Variants in TMEM135 observed in about 807,000 individuals in gnomAD.
TMEM135 encodes transmembrane protein 135.
Under a neutral mutation model 60.3 loss-of-function variants are expected in TMEM135, and 30 were observed. That is an observed-to-expected ratio of 0.50 (90% CI 0.37 to 0.68). The LOEUF (loss-of-function observed/expected upper bound fraction) is 0.68, where lower values mean the gene tolerates loss of function less well. Among genes scored for constraint, TMEM135 ranks in the 30% least tolerant of loss-of-function variants. The pLI is 0.00. For missense variants in TMEM135, 468 were observed against 548.8 expected, an observed-to-expected ratio of 0.85 and a Z score of 1.47; for synonymous variants, 190 against 186.7, an observed-to-expected ratio of 1.02 and a Z score of -0.14.
intron 3 of TMEM135, among the ~76,000 whole-genome samples, chr11:87,079,777 G>A (rs1385599022): frequency 6.7e-6 from 1 of 148,432 alleles, no homozygotes; most frequent in African/African-American, 2.5e-5. Context: ...GTAATATTTT[G>A]TTATATGGCT....
At chr11:87,099,695 T>C (rs1857409827) in intron 4 of TMEM135, among the ~76,000 whole-genome samples, 1 of 149,654 alleles carries the variant, frequency 6.7e-6, no homozygotes, top group South Asian at 2.1e-4. Context: ...TTTTTTTTTT[T>C]TTTTTTTGAG....
chr11:87,117,721 A>T (rs547389273), intron 4 of TMEM135, among the ~76,000 whole-genome samples: 43 of 152,262 alleles, frequency 2.8e-4, no homozygotes, highest in African/African-American at 1.0e-3. Context: ...CCTCTACGTC[A>T]TCTATGAGGG....
At chr11:87,066,354 C>T (rs1856651071) in intron 1 of TMEM135, among the ~76,000 whole-genome samples, 1 of 152,120 alleles carries the variant, frequency 6.6e-6, no homozygotes, top group South Asian at 2.1e-4. Flanking sequence ...TTCCTGCCTT[C>T]CCCTGTATTA....
rs1169988243 is a variant in TMEM135, at chr11:87,326,354, C to T, written c.*5021C>T. On this transcript the variant is annotated 3_prime_UTR_variant, in exon 15 of 15. Coordinates refer to ENST00000305494, the MANE Select transcript of TMEM135 (RefSeq NM_022918.4). Reference sequence around the variant, plus strand: ...GTCACCCTGCATTACTACTTTCCTCCATCCCTGAACTAGGACCAGTTAATT... The same window carrying T: ...GTCACCCTGCATTACTACTTTCCTCTATCCCTGAACTAGGACCAGTTAATT... The T allele has an allele frequency of 2.2e-6, 1 of 453,966 alleles. No individual in the cohort carries two copies. The highest frequency in any genetic ancestry group is 4.4e-6 in the Non-Finnish European group (1 of 226,782). The allele number at this position is 453,966 out of a possible 1,614,324, so 28.1% of individuals were successfully genotyped here.
intron 5 of TMEM135, among the ~76,000 whole-genome samples, chr11:87,231,032 C>T (rs1041500032): frequency 6.6e-6 from 1 of 151,938 alleles, no homozygotes; most frequent in Non-Finnish European, 1.5e-5. Context: ...TATTGAAGGA[C>T]AGTGTTCCCT....
chr11:87,247,416 G>T (rs1042201460), intron 6 of TMEM135, among the ~76,000 whole-genome samples: 1 of 152,190 alleles, frequency 6.6e-6, no homozygotes, highest in East Asian at 1.9e-4. Context: ...GTCTGCACAG[G>T]TTACTGCTGT....
chr11:87,064,861 G>C (rs1856617533), intron 1 of TMEM135, among the ~76,000 whole-genome samples: 1 of 152,036 alleles, frequency 6.6e-6, no homozygotes, highest in Non-Finnish European at 1.5e-5. Context: ...CTCCAGCCTG[G>C]GCAACAGAGC....
intron 4 of TMEM135, among the ~76,000 whole-genome samples, chr11:87,125,005 T>A (rs1205249235): frequency 6.6e-6 from 1 of 152,198 alleles, no homozygotes; most frequent in African/African-American, 2.4e-5. Context: ...AATTGCTCTG[T>A]GTCTGGTATT....
At chr11:87,280,684 A>G (rs1335541279) in intron 6 of TMEM135, among the ~76,000 whole-genome samples, 1 of 152,146 alleles carries the variant, frequency 6.6e-6, no homozygotes, top group Non-Finnish European at 1.5e-5. Flanking sequence ...TCATTATTTG[A>G]TTGTACCTAT....
intron 5 of TMEM135, among the ~76,000 whole-genome samples, chr11:87,229,319 A>G (rs1313589231): frequency 6.6e-6 from 1 of 152,046 alleles, no homozygotes; most frequent in African/African-American, 2.4e-5. Context: ...TAACCAACCA[A>G]CCAGCCAACC....
chr11:87,323,657 G>C lies in TMEM135; in HGVS notation c.*2324G>C, dbSNP rs1343514950. The C allele has an allele frequency of 2.2e-6, 1 of 453,702 alleles. No individual in the cohort carries two copies. Among genetic ancestry groups the C allele is most frequent in the Non-Finnish European group, 4.4e-6 (1 of 226,686 alleles). The allele number at this position is 453,702 out of a possible 1,614,324, so 28.1% of individuals were successfully genotyped here. ...ATATAGATTGAGATTGAAAAACCGT[G>C]CATTTGGGGCAGTGGTATTATGGTC... On this transcript the variant is annotated 3_prime_UTR_variant, in exon 15 of 15. Transcript: ENST00000305494.
At chr11:87,162,959 C>A (rs1938928131) in intron 5 of TMEM135, among the ~76,000 whole-genome samples, 1 of 150,776 alleles carries the variant, frequency 6.6e-6, no homozygotes, top group South Asian at 2.1e-4. Flanking sequence ...ATTTGCATTT[C>A]TCTAATGACC....
chr11:87,221,896 C>T (rs1669694565), intron 5 of TMEM135, among the ~76,000 whole-genome samples: 1 of 151,984 alleles, frequency 6.6e-6, no homozygotes, highest in South Asian at 2.1e-4. Flanking sequence ...AAATTTCAGC[C>T]AATATTAAAA....
In TMEM135 at chr11:87,318,200, A is replaced by C; in HGVS notation, c.1141A>C (p.Ile381Leu). 6.2e-7 allele frequency: 1 copy of C among 1,612,706 alleles called. No individual in the cohort carries two copies. The highest frequency in any genetic ancestry group is 1.1e-5 in the South Asian group (1 of 91,078). ...VPYFPHADTIIYSISTAICFQ... is the reference protein window; with the variant it reads ...VPYFPHADTILYSISTAICFQ... ...CTATTTTCCTCATGCAGATACTATC[A>C]TCTATTCCATCTCTACAGCAATTTG... is the stretch of plus-strand genomic sequence containing the variant. The change falls in exon 13 of 15, where the codon ATC becomes CTC. Residue 381 changes from isoleucine to leucine, a missense_variant. Ile to Leu is a conservative substitution (Grantham distance 5). Transcript: ENST00000305494.
intron 6 of TMEM135, among the ~76,000 whole-genome samples, chr11:87,264,166 T>C (rs1429300962): frequency 6.6e-6 from 1 of 151,972 alleles, no homozygotes; most frequent in East Asian, 1.9e-4. Context: ...AATTCCTTTA[T>C]TGTGACTAGG....
intron 4 of TMEM135, among the ~76,000 whole-genome samples, chr11:87,135,286 A>G (rs950624171): frequency 6.6e-6 from 1 of 151,942 alleles, no homozygotes; most frequent in African/African-American, 2.4e-5. Flanking sequence ...CTTGATGTGT[A>G]TCTAAGAAAA....
intron 4 of TMEM135, among the ~76,000 whole-genome samples, chr11:87,147,247 T>C (rs1373707444): frequency 6.6e-6 from 1 of 152,096 alleles, no homozygotes; most frequent in Non-Finnish European, 1.5e-5. Context: ...CGCTTGAACC[T>C]GGCAGGCGAA....
At chr11:87,102,581 T>G (rs1386187012) in intron 4 of TMEM135, among the ~76,000 whole-genome samples, 1 of 151,886 alleles carries the variant, frequency 6.6e-6, no homozygotes, top group African/African-American at 2.4e-5. Flanking sequence ...TCATAGACAT[T>G]TACTTTAGAG....
chr11:87,053,292 A>AAT (rs56019077), intron 1 of TMEM135, among the ~76,000 whole-genome samples: 30 of 149,334 alleles, frequency 2.0e-4, no homozygotes, highest in South Asian at 6.4e-4. Context: ...GTGCATAAGC[A>AAT]ATATATATAT....
Sources: gnomAD v4.1 joint callset for allele counts (sites outside exome capture counted in the v4.1 genomes callset) on GRCh38, gnomAD v4.1.1 for gene constraint, MANE v1.5 for transcripts, NCBI Gene and HGNC (gene_info 2026-07-23, HGNC 2026-07-21) for gene names.